The following QKI variants were observed in gnomAD, a reference collection of about 807,000 sequenced individuals.
QKI encodes QKI, KH domain containing RNA binding.
QKI carries 10 observed loss-of-function variants against 39.0 expected under a neutral mutation model. The ratio of observed to expected loss-of-function variants is 0.26; its 90% CI spans 0.16 to 0.43. The LOEUF (loss-of-function observed/expected upper bound fraction) is 0.43. Among genes scored for constraint, QKI ranks in the 20% least tolerant of loss-of-function variants. The probability of loss-of-function intolerance (pLI) is 1.00; values close to 1 mark genes in which losing one functional copy is unlikely to be tolerated. For missense variants in QKI, 218 were observed against 428.0 expected (o/e 0.51, Z 4.33); for synonymous variants, 204 against 155.4 (o/e 1.31, Z -2.33).
At chr6:163,566,275 A>G (rs1783358186) in intron 6 of QKI, 7 of 1,228,454 alleles carry the variant, frequency 5.7e-6, no homozygotes, top group African/African-American at 1.5e-5. Context: ...TAAAACCACA[A>G]TCTGTAGGCT....
chr6:163,486,418 T>C (rs1330456939), intron 3 of QKI, among the ~76,000 whole-genome samples: 2 of 152,236 alleles, frequency 1.3e-5, no homozygotes, highest in Non-Finnish European at 2.9e-5. Flanking sequence ...CGAAATGTTA[T>C]TAGAGTCATA....
chr6:163,540,788 G>A (rs1200994594), intron 4 of QKI, among the ~76,000 whole-genome samples: 3 of 152,006 alleles, frequency 2.0e-5, no homozygotes, highest in Non-Finnish European at 4.4e-5. Context: ...GTTTCCTGGT[G>A]ACAAAACATG....
chr6:163,458,480 C>T (rs752782930), intron 2 of QKI, among the ~76,000 whole-genome samples: 1 of 152,184 alleles, frequency 6.6e-6, no homozygotes, highest in Non-Finnish European at 1.5e-5. Context: ...ATTTGTTGCA[C>T]ATATTTGTAT....
intron 1 of QKI, among the ~76,000 whole-genome samples, chr6:163,433,338 GGTAA>G (rs1263655023): frequency 6.6e-6 from 1 of 152,082 alleles, no homozygotes; most frequent in Non-Finnish European, 1.5e-5. Context: ...AGCAAGTGGT[GGTAA>G]TTTAAGAAGA....
chr6:163,516,931 G>T (rs552725158), intron 3 of QKI, among the ~76,000 whole-genome samples: 1 of 152,092 alleles, frequency 6.6e-6, no homozygotes, highest in South Asian at 2.1e-4. Flanking sequence ...TATAATTATG[G>T]TGTTAGTGCC....
intron 3 of QKI, among the ~76,000 whole-genome samples, chr6:163,530,649 A>G (rs759672357): frequency 2.0e-5 from 3 of 152,174 alleles, no homozygotes; most frequent in Non-Finnish European, 4.4e-5. Context: ...CATGACCTCA[A>G]AGCCTTTTTT....
chr6:163,562,298 C>G (rs1185189052), intron 5 of QKI, among the ~76,000 whole-genome samples: 9 of 152,194 alleles, frequency 5.9e-5, no homozygotes, highest in Admixed American at 5.9e-4. Flanking sequence ...GATAAACTTA[C>G]ATTATTTTAA....
intron 1 of QKI, among the ~76,000 whole-genome samples, chr6:163,439,354 TC>T (rs1789566496): frequency 3.0e-5 from 4 of 133,348 alleles, no homozygotes; most frequent in Non-Finnish European, 6.6e-5. Context: ...TTTTTTTTTT[TC>T]GGGGGGGTGG....
chr6:163,525,622 C>G (rs1780461181), intron 3 of QKI, among the ~76,000 whole-genome samples: 1 of 152,178 alleles, frequency 6.6e-6, no homozygotes, highest in Non-Finnish European at 1.5e-5. Flanking sequence ...GCCTCGGCCA[C>G]CCAAAGTGCT....
chr6:163,568,688 CA>C, intron 7 of QKI: 1 of 984,396 alleles, frequency 1.0e-6, no homozygotes, highest in Non-Finnish European at 1.2e-6. Flanking sequence ...TCATTTAATG[CA>C]AAAAAACTCA....
At chr6:163,494,083 T>C (rs1778241533) in intron 3 of QKI, among the ~76,000 whole-genome samples, 1 of 150,924 alleles carries the variant, frequency 6.6e-6, no homozygotes, top group Non-Finnish European at 1.5e-5. Context: ...CCCTCCATAC[T>C]GCAGGCCCCA....
intron 2 of QKI, among the ~76,000 whole-genome samples, chr6:163,478,095 A>G (rs557553898): frequency 2.6e-5 from 4 of 152,310 alleles, no homozygotes; most frequent in African/African-American, 7.2e-5. Flanking sequence ...TAACTTGTAT[A>G]TATGAATATT....
intron 2 of QKI, among the ~76,000 whole-genome samples, chr6:163,465,767 A>T (rs568187668): frequency 1.1e-4 from 16 of 152,140 alleles, no homozygotes; most frequent in African/African-American, 3.6e-4. Flanking sequence ...AAGTTCTGGG[A>T]TACAAAAATC....
intron 1 of QKI, among the ~76,000 whole-genome samples, chr6:163,418,269 T>C (rs1212032638): frequency 2.0e-5 from 3 of 152,278 alleles, no homozygotes; most frequent in East Asian, 3.9e-4. Flanking sequence ...TATTTTAAAA[T>C]ATTTTTCAAA....
chr6:163,419,684 T>C (rs1456720223), intron 1 of QKI, among the ~76,000 whole-genome samples: 1 of 152,188 alleles, frequency 6.6e-6, no homozygotes, highest in Non-Finnish European at 1.5e-5. Flanking sequence ...TCTGTACTTT[T>C]AAAGCTAAAT....
chr6:163,555,018 A>G (rs891006193), intron 4 of QKI, among the ~76,000 whole-genome samples: 1 of 152,212 alleles, frequency 6.6e-6, no homozygotes, highest in East Asian at 1.9e-4. Context: ...GGAGCAGATC[A>G]AGGTGGTAAT....
chr6:163,553,244 C>T (rs1413135148), intron 4 of QKI, among the ~76,000 whole-genome samples: 1 of 151,914 alleles, frequency 6.6e-6, no homozygotes, highest in Non-Finnish European at 1.5e-5. Flanking sequence ...GCTAGGATTA[C>T]AGGCGTGCAC....
chr6:163,553,089 TA>T (rs1156663043), intron 4 of QKI, among the ~76,000 whole-genome samples: 28 of 114,180 alleles, frequency 2.5e-4, no homozygotes, highest in African/African-American at 8.5e-4. Flanking sequence ...TTTATTTATT[TA>T]TTTATTTATT....
chr6:163,526,986 C>T (rs948435970), intron 3 of QKI, among the ~76,000 whole-genome samples: 1 of 152,084 alleles, frequency 6.6e-6, no homozygotes, highest in African/African-American at 2.4e-5. Context: ...TTGTTTTTAA[C>T]TTGGAAATTA....
Sources: allele counts gnomAD v4.1 joint callset (sites outside exome capture counted in the v4.1 genomes callset), GRCh38; gene constraint gnomAD v4.1.1; transcripts MANE v1.5; gene names NCBI Gene and HGNC (gene_info 2026-07-23, HGNC 2026-07-21).